PCSK7: variants seen among roughly 807,000 people sequenced by gnomAD.
PCSK7 encodes the protein lymphoma proprotein convertase.
Under a neutral mutation model 73.3 loss-of-function variants are expected in PCSK7, and 38 were observed. That is an observed-to-expected ratio of 0.52 (90% CI 0.40 to 0.68). PCSK7 has a LOEUF of 0.68. Among genes scored for constraint, PCSK7 ranks in the 30% least tolerant of loss-of-function variants. The probability of loss-of-function intolerance (pLI) is 0.00; values close to 1 mark genes in which losing one functional copy is unlikely to be tolerated. For missense variants in PCSK7, 692 were observed against 991.5 expected, an observed-to-expected ratio of 0.70 and a Z score of 4.06; for synonymous variants, 296 against 383.8, an observed-to-expected ratio of 0.77 and a Z score of 2.68.
chr11:117,220,218 G>C (rs919036385), intron 9 of PCSK7: 1 of 152,484 alleles, frequency 6.6e-6, no homozygotes, highest in Non-Finnish European at 1.5e-5. Flanking sequence ...AGATAGGAAA[G>C]GGCTCCCATC....
At chr11:117,212,399 CTTTTCTTT>C (rs2031767797) in intron 12 of PCSK7, 1 of 136,004 alleles carries the variant, frequency 7.4e-6, no homozygotes, top group African/African-American at 2.8e-5. Flanking sequence ...AGTTTTTTTT[CTTTTCTTT>C]TTTTTTTTTT....
In PCSK7 at chr11:117,204,987, G is replaced by A. The variant is rs922104621; in HGVS notation, c.*1010C>T. On this transcript the variant is annotated 3_prime_UTR_variant, in exon 17 of 17. Coordinates refer to ENST00000320934, the MANE Select transcript of PCSK7 (RefSeq NM_004716.4). ...GCCATAGAACAGGAGAGTGAATCTT[G>A]GGGACCGAAGGGAAAAAGGAGCCAC... The A allele has an allele frequency of 5.1e-6, 1 of 194,704 alleles. No homozygotes were observed. The highest frequency in any genetic ancestry group is 2.3e-5 in the African/African-American group (1 of 43,018). The allele number at this position is 194,704 out of a possible 1,614,324, so 12.1% of individuals were successfully genotyped here. A position where few individuals can be genotyped will look rare whatever the true frequency, so the allele number is the denominator to read the frequency against.
At chr11:117,226,903 G>A in intron 5 of PCSK7, 2 of 428,006 alleles carry the variant, frequency 4.7e-6, no homozygotes, top group Non-Finnish European at 8.2e-6. Flanking sequence ...GGATCATAGA[G>A]GAAAAACCGA....
Position 117,206,155 on chromosome 11 carries a change from C to G in PCSK7, c.2200G>C (p.Val734Leu). ...GGAGGGCCCCTGCTCTCTGTTTCCA[C>G]TTCGTCTGGATCCTTGCTGCTGCAA... The part of the protein sequence containing the change: ...PLCSSKDPDE[V>L]ETESRGPPTT... The change falls in exon 17 of 17, where the codon GTG (valine) becomes CTG (leucine). Residue 734 changes from valine (V) to leucine (L), a missense_variant. This residue lies in a region of PCSK7 where 78 missense variants were observed against 102.6 expected (regional missense o/e 0.76). Coordinates refer to ENST00000320934, the MANE Select transcript of PCSK7 (RefSeq NM_004716.4). 6.2e-7 allele frequency: 1 copy of G among 1,611,966 alleles called. No individual in the cohort carries two copies. Among genetic ancestry groups the G allele is most frequent in the South Asian group, 1.1e-5 (1 of 90,906 alleles).
In PCSK7 at chr11:117,223,321, G is replaced by A; in HGVS notation, c.1055-13C>T. 2 of 1,542,028 alleles carry A rather than the reference G, an allele frequency of 1.3e-6. No individual in the cohort carries two copies. Among genetic ancestry groups the A allele is most frequent in the Non-Finnish European group, 1.8e-6 (2 of 1,114,514 alleles). ...TCATCCACAGCTCCTAGGGACAGAGGAGGGAGATTAGAGCTGAGATGCAGA... is the reference window on the plus strand; with the variant it reads ...TCATCCACAGCTCCTAGGGACAGAGAAGGGAGATTAGAGCTGAGATGCAGA... On this transcript the variant is annotated splice_polypyrimidine_tract_variant and intron_variant, in intron 8 of 16. Coordinates refer to ENST00000320934, the MANE Select transcript of PCSK7 (RefSeq NM_004716.4).
In PCSK7 at chr11:117,216,432, A is replaced by ATTTTTTTTTTTTTTTTTTTTTTTTTTTT. The variant is rs761129566; in HGVS notation, c.1534+2033_1534+2034insAAAAAAAAAAAAAAAAAAAAAAAAAAAA. On this transcript the variant is annotated intron_variant, in intron 12 of 16. Transcript: ENST00000320934. ...CCTGGGACTGAGCTGCTCAACTCTC[A>ATTTTTTTTTTTTTTTTTTTTTTTTTTTT]ATTTTTTTTTTTTTTTTTTTTTTTG... 3 of 115,824 alleles carry ATTTTTTTTTTTTTTTTTTTTTTTTTTTT rather than the reference A, an allele frequency of 2.6e-5. 1 individual carries two copies. Among genetic ancestry groups the ATTTTTTTTTTTTTTTTTTTTTTTTTTTT allele is most frequent in the African/African-American group, 7.9e-5 (2 of 25,266 alleles). The allele number at this position is 115,824 out of a possible 1,614,324, so 7.2% of individuals were successfully genotyped here. A position where few individuals can be genotyped will look rare whatever the true frequency, so the allele number is the denominator to read the frequency against.
Position 117,225,805 on chromosome 11 carries a change from T to C in PCSK7, c.860+126A>G, listed in dbSNP as rs1235353305. 3.4e-5 allele frequency: 23 copies of C among 670,788 alleles called. No individual in the cohort carries two copies. In the South Asian group the frequency reaches 3.6e-4, roughly 10 times the overall value. 41.6% of individuals were successfully genotyped at this position (670,788 alleles called of 1,614,324 possible). Reference sequence around the variant, plus strand: ...ATCTAGAGAAATGAAGGCAATGGACTTATTAGCTGAACCCAATGAGGAGAC... The same window carrying C: ...ATCTAGAGAAATGAAGGCAATGGACCTATTAGCTGAACCCAATGAGGAGAC... On this transcript the variant is annotated intron_variant, in intron 6 of 16. Transcript: ENST00000320934.
rs937260152 is a variant in PCSK7, at chr11:117,224,927, C to G, written c.861-172G>C. 5.7e-5 allele frequency: 36 copies of G among 628,568 alleles called. No individual in the cohort carries two copies. In the African/African-American group the frequency reaches 6.4e-4, roughly 11 times the overall value. 38.9% of individuals were successfully genotyped at this position (628,568 alleles called of 1,614,324 possible). On this transcript the variant is annotated intron_variant, in intron 6 of 16. Transcript: ENST00000320934. ...GGCACAGGGTTCAAAGGTCCATCCC[C>G]TCTCCAAAGTGGAAAACAGAAGTGT...
rs1370061924 is a variant in PCSK7 at position 117,205,810 on chromosome 11, C to T, written c.*187G>A. 4.0e-6 allele frequency: 2 copies of T among 494,914 alleles called. No homozygotes were observed. Among genetic ancestry groups the T allele is most frequent in the Non-Finnish European group, 7.1e-6 (2 of 281,444 alleles). 30.7% of individuals were successfully genotyped at this position (494,914 alleles called of 1,614,324 possible). A position where few individuals can be genotyped will look rare whatever the true frequency, so the allele number is the denominator to read the frequency against. ...GCTCCCGTTTGGCTGGAGGCAGACCCTGTGGCTCTGACCAGACTTCTCTGG... is the reference window on the plus strand; with the variant it reads ...GCTCCCGTTTGGCTGGAGGCAGACCTTGTGGCTCTGACCAGACTTCTCTGG... On this transcript the variant is annotated 3_prime_UTR_variant, in exon 17 of 17. Coordinates refer to ENST00000320934, the MANE Select transcript of PCSK7 (RefSeq NM_004716.4).
intron 7 of PCSK7, 37 bp from the exon 8 acceptor site, chr11:117,224,253 C>T (rs2032321988): frequency 6.2e-7 from 1 of 1,610,182 alleles, no homozygotes; most frequent in African/African-American, 1.3e-5. Flanking sequence ...AGTTGAGGAA[C>T]CCACAGAAAG....
At position 117,204,576 on chromosome 11, in the gene PCSK7, T is replaced by C. The variant is rs1177826014; in HGVS notation, c.*1421A>G. The C allele has an allele frequency of 8.5e-6, 6 of 708,394 alleles. No homozygotes were observed. The African/African-American group carries it at 1.0e-4, about 12-fold the overall frequency. The allele number at this position is 708,394 out of a possible 1,614,324, so 43.9% of individuals were successfully genotyped here. A position where few individuals can be genotyped will look rare whatever the true frequency, so the allele number is the denominator to read the frequency against. On this transcript the variant is annotated 3_prime_UTR_variant, in exon 17 of 17. Coordinates refer to ENST00000320934, the MANE Select transcript of PCSK7 (RefSeq NM_004716.4). Reference sequence around the variant, plus strand: ...CCGAAAGCATCACTGCCTTGGCCCCTCCCTCCCGGCTGCCCCCATCACCTC... The same window carrying C: ...CCGAAAGCATCACTGCCTTGGCCCCCCCCTCCCGGCTGCCCCCATCACCTC...
At chr11:117,209,476 A>G (rs2031615549) in intron 12 of PCSK7, 1 of 194,930 alleles carries the variant, frequency 5.1e-6, no homozygotes. Flanking sequence ...GAAATAAGTC[A>G]GATGGGTTTA....
chr11:117,215,364 T>TTTTGTG (rs57433360), intron 12 of PCSK7: 8 of 84,902 alleles, frequency 9.4e-5, no homozygotes, highest in South Asian at 6.2e-4. Flanking sequence ...CCTGGCTAAT[T>TTTTGTG]TGTGTGTGTG....
At chr11:117,225,712 G>A (rs1308837633) in intron 6 of PCSK7, 1 of 597,062 alleles carries the variant, frequency 1.7e-6, no homozygotes, top group East Asian at 2.8e-5. Context: ...CACAGGCCAG[G>A]GCTTCTCATG....
At chr11:117,230,770 G>C (rs1362520340) in intron 1 of PCSK7, among the ~76,000 whole-genome samples, 1 of 152,144 alleles carries the variant, frequency 6.6e-6, no homozygotes. Flanking sequence ...TAGAAGTCCA[G>C]GTGGTAGCTA....
In PCSK7 at chr11:117,218,431, G is replaced by T. The variant is rs201436353; in HGVS notation, c.1534+35C>A. On this transcript the variant is annotated intron_variant, in intron 12 of 16. Transcript: ENST00000320934. The surrounding 1 kb of genome is among the most constrained non-coding windows in gnomAD (Gnocchi z 4.0). ...CTTGTCACCCGGCCCCAAACCTCAG[G>T]CCTAAGATTAACCCCCTTTGTGCTG... The T allele has an allele frequency of 2.6e-5, 32 of 1,211,474 alleles. No individual in the cohort carries two copies. Among genetic ancestry groups the T allele is most frequent in the Non-Finnish European group, 3.6e-5 (31 of 854,830 alleles). 75.0% of individuals were successfully genotyped at this position (1,211,474 alleles called of 1,614,324 possible). A position where few individuals can be genotyped will look rare whatever the true frequency, so the allele number is the denominator to read the frequency against.
chr11:117,216,860 A>G (rs2032004728), intron 12 of PCSK7: 2 of 152,224 alleles, frequency 1.3e-5, no homozygotes, highest in Admixed American at 6.5e-5. Flanking sequence ...TGGCTCTGAA[A>G]AGCCAATGAA....
Position 117,227,321 on chromosome 11 carries a change from C to G in PCSK7, c.605G>C (p.Ser202Thr). The G allele has an allele frequency of 6.2e-7, 1 of 1,613,056 alleles. No individual in the cohort carries two copies. Among genetic ancestry groups the G allele is most frequent in the Non-Finnish European group, 8.5e-7 (1 of 1,179,058 alleles). ...GTTGAGGTCATAGCTACCCTCAGGG[C>G]TCTGAAATATTTTGGAGGTGACATG... The part of the protein sequence containing the change: ...HTIQDIAPNY[S>T]PEGSYDLNSN... Residue 202 changes from serine (S) to threonine (T), a missense_variant and splice_region_variant, in exon 5 of 17, where the codon AGC becomes ACC. By Grantham distance (58) the Ser-to-Thr change is moderately conservative. This residue lies in a region of PCSK7 where 574 missense variants were observed against 689.8 expected (regional missense o/e 0.83). Transcript: ENST00000320934.
At chr11:117,219,489 C>G (rs1235251780) in intron 10 of PCSK7, 102 bp downstream of exon 10, 1 of 1,136,432 alleles carries the variant, frequency 8.8e-7, no homozygotes, top group Non-Finnish European at 1.3e-6. Context: ...CTGAAAGAGA[C>G]TTAGTATCTA....
Sources: gnomAD v4.1 joint callset for allele counts (sites outside exome capture counted in the v4.1 genomes callset) on GRCh38, gnomAD v4.1.1 for gene constraint, gnomAD v4.1.1 regional missense constraint, Gnocchi (gnomAD v3.1) non-coding constraint, MANE v1.5 for transcripts, NCBI Gene and HGNC (gene_info 2026-07-23, HGNC 2026-07-21) for gene names.